GDAP1: variants seen among roughly 807,000 people sequenced by gnomAD.
GDAP1 encodes ganglioside induced differentiation associated protein 1.
GDAP1 carries 34 observed loss-of-function variants against 40.1 expected under a neutral mutation model. The ratio of observed to expected loss-of-function variants is 0.85; its 90% CI spans 0.64 to 1.13. The LOEUF (loss-of-function observed/expected upper bound fraction) is 1.13. Ranked by LOEUF, GDAP1 falls within the 50% of genes most tolerant of loss-of-function variation. The pLI, the probability that GDAP1 is intolerant of heterozygous loss-of-function variation, is 0.00. For missense variants in GDAP1, 374 were observed against 433.7 expected, an observed-to-expected ratio of 0.86 and a Z score of 1.22; for synonymous variants, 170 against 157.4, an observed-to-expected ratio of 1.08 and a Z score of -0.60.
At chr8:74,430,187 A>G (rs546151723) in intron 2 of GDAP1, among the ~76,000 whole-genome samples, 1 of 152,264 alleles carries the variant, frequency 6.6e-6, no homozygotes, top group Non-Finnish European at 1.5e-5. Context: ...CAATGTACTT[A>G]GTTGGAGAAG....
At chr8:74,411,617 C>G (rs1318678139) in intron 2 of GDAP1, among the ~76,000 whole-genome samples, 2 of 148,326 alleles carry the variant, frequency 1.3e-5, no homozygotes, top group East Asian at 3.9e-4. Context: ...TGCAGTGGCT[C>G]ATGCTTGCAA....
At chr8:74,476,921 A>G (rs1476136616) in intron 2 of GDAP1, among the ~76,000 whole-genome samples, 1 of 132,510 alleles carries the variant, frequency 7.5e-6, no homozygotes, top group Non-Finnish European at 1.8e-5. Flanking sequence ...AGGGATACAA[A>G]TGAGTCATAA....
chr8:74,415,473 G>A (rs1377590359), intron 2 of GDAP1, among the ~76,000 whole-genome samples: 4 of 149,958 alleles, frequency 2.7e-5, no homozygotes, highest in African/African-American at 1.0e-4. Context: ...ACAACTGAAA[G>A]AAACCACAGA....
chr8:74,378,781 A>G (rs1009322705), intron 2 of GDAP1, among the ~76,000 whole-genome samples: 1 of 152,142 alleles, frequency 6.6e-6, no homozygotes, highest in Non-Finnish European at 1.5e-5. Flanking sequence ...TGGGGGCCTC[A>G]CTCACACATA....
chr8:74,383,622 CTTTCT>C (rs1220192727), intron 2 of GDAP1, among the ~76,000 whole-genome samples: 1 of 152,156 alleles, frequency 6.6e-6, no homozygotes, highest in Non-Finnish European at 1.5e-5. Context: ...ATTTCCAAAT[CTTTCT>C]TTTCATCTTC....
intron 2 of GDAP1, among the ~76,000 whole-genome samples, chr8:74,472,828 A>C (rs1192064351): frequency 6.6e-6 from 1 of 151,162 alleles, no homozygotes; most frequent in African/African-American, 2.4e-5. Flanking sequence ...CTTGATTGTA[A>C]CTTCTGCCTC....
intron 2 of GDAP1, among the ~76,000 whole-genome samples, chr8:74,444,818 G>C (rs1027318066): frequency 2.6e-5 from 4 of 152,180 alleles, no homozygotes; most frequent in African/African-American, 9.7e-5. Context: ...TAGTGCTAAG[G>C]ACTGGATGAC....
chr8:74,356,617 A>G (rs1314316324), intron 2 of GDAP1, among the ~76,000 whole-genome samples: 2 of 150,156 alleles, frequency 1.3e-5, no homozygotes, highest in African/African-American at 4.9e-5. Flanking sequence ...TTGCTACCAT[A>G]TCTTTTGCCT....
downstream of GDAP1, chr8:74,367,129 T>A (rs1563448189): frequency 5.4e-6 from 1 of 186,548 alleles, no homozygotes; most frequent in Non-Finnish European, 1.1e-5. Flanking sequence ...ACATTGATGC[T>A]GCTCATTAAT....
chr8:74,360,171 C>G lies in GDAP1; in HGVS notation c.345C>G (p.Ser115Arg), dbSNP rs1472198181. The change falls in exon 3 of 6, where the codon AGC becomes AGG. Residue 115 changes from serine to arginine, a missense_variant. Physicochemically the swap from Ser to Arg is moderately radical, Grantham distance 110. Transcript: ENST00000220822. The part of the protein sequence containing the change: ...RTPRLMPDKE[S>R]MYYPRVQHYR... ...CCAGGTTAATGCCTGATAAAGAAAG[C>G]ATGTATTACCCACGGGTACAACATT... The G allele has an allele frequency of 3.1e-6, 5 of 1,613,180 alleles. No individual in the cohort carries two copies. The highest frequency in any genetic ancestry group is 2.7e-5 in the African/African-American group (2 of 74,880).
intron 2 of GDAP1, among the ~76,000 whole-genome samples, chr8:74,420,193 G>A (rs966326999): frequency 6.6e-6 from 1 of 152,130 alleles, no homozygotes; most frequent in East Asian, 1.9e-4. Flanking sequence ...TGCAAGAAAA[G>A]GCTATTGGAA....
intron 2 of GDAP1, among the ~76,000 whole-genome samples, chr8:74,435,736 G>T (rs1326215529): frequency 6.6e-6 from 1 of 152,206 alleles, no homozygotes; most frequent in Non-Finnish European, 1.5e-5. Context: ...TTTAGAAGCA[G>T]TTCTACTTTC....
intron 2 of GDAP1, among the ~76,000 whole-genome samples, chr8:74,446,582 C>T (rs751745826): frequency 6.6e-6 from 1 of 152,068 alleles, no homozygotes; most frequent in East Asian, 1.9e-4. Context: ...TGGCATTTTT[C>T]AAGTCATAAT....
At chr8:74,481,878 A>G (rs1320859274) in intron 2 of GDAP1, among the ~76,000 whole-genome samples, 2 of 152,208 alleles carry the variant, frequency 1.3e-5, no homozygotes, top group Non-Finnish European at 2.9e-5. Flanking sequence ...GAAATGGATT[A>G]CATAACTTAC....
intron 2 of GDAP1, among the ~76,000 whole-genome samples, chr8:74,478,462 C>T (rs1253874418): frequency 2.0e-5 from 3 of 151,966 alleles, no homozygotes; most frequent in Non-Finnish European, 4.4e-5. Context: ...TCAGCCAGCA[C>T]AGGAGCTATG....
downstream of GDAP1, among the ~76,000 whole-genome samples, chr8:74,371,385 G>A (rs1158228571): frequency 6.6e-6 from 1 of 152,234 alleles, no homozygotes; most frequent in African/African-American, 2.4e-5. Flanking sequence ...ATATGGCCGG[G>A]CGCGGTGGCT....
intron 2 of GDAP1, among the ~76,000 whole-genome samples, chr8:74,486,523 G>T (rs1806778017): frequency 6.6e-6 from 1 of 152,160 alleles, no homozygotes; most frequent in African/African-American, 2.4e-5. Flanking sequence ...TGGAATTTCT[G>T]CTTTTGATGA....
intron 2 of GDAP1, among the ~76,000 whole-genome samples, chr8:74,356,547 A>G (rs763604677): frequency 6.6e-6 from 1 of 151,430 alleles, no homozygotes; most frequent in African/African-American, 2.4e-5. Flanking sequence ...TCTTATCTGT[A>G]TTTAGATTTG....
At position 74,475,601 on chromosome 8, in the gene GDAP1, C is replaced by G. The variant is rs1189769650; in HGVS notation, c.166-13077C>G. On this transcript the variant is annotated intron_variant, in intron 2 of 2. Transcript: ENST00000523640. ...CATGTAATTGTATGGTTTTGAGCTA[C>G]TTTTTTAGTCTTGAATGTTATTTTT... Among the ~76,000 whole-genome samples, 5 of 152,034 alleles carry G rather than the reference C, an allele frequency of 3.3e-5. No homozygotes were observed. The East Asian group carries it at 9.7e-4, about 29-fold the overall frequency.
Sources: gnomAD v4.1 joint callset for allele counts (sites outside exome capture counted in the v4.1 genomes callset) on GRCh38, gnomAD v4.1.1 for gene constraint, MANE v1.5 for transcripts, NCBI Gene and HGNC (gene_info 2026-07-23, HGNC 2026-07-21) for gene names.